The following SDC3 variants were observed in gnomAD, a reference collection of about 807,000 sequenced individuals.
The protein encoded by SDC3 is syndecan-3.
SDC3 carries 13 observed loss-of-function variants against 24.4 expected under a neutral mutation model. The observed-to-expected ratio is 0.53, with a 90% CI of 0.35 to 0.85. SDC3 has a LOEUF of 0.85. Ranked by LOEUF, SDC3 falls within the 40% of genes least tolerant of loss-of-function variation. The pLI is 0.01. For missense variants in SDC3, 571 were observed against 584.5 expected (o/e 0.98, Z 0.24); for synonymous variants, 295 against 260.9 (o/e 1.13, Z -1.26).
chr1:30,895,881 G>T (rs1570022840), intron 1 of SDC3, among the ~76,000 whole-genome samples: 1 of 151,668 alleles, frequency 6.6e-6, no homozygotes, highest in Non-Finnish European at 1.5e-5. Flanking sequence ...GGGAGGGAGG[G>T]GGGCTGAGCA....
intron 1 of SDC3, among the ~76,000 whole-genome samples, chr1:30,890,631 A>T (rs1639890853): frequency 6.6e-6 from 1 of 152,250 alleles, no homozygotes; most frequent in African/African-American, 2.4e-5. Flanking sequence ...GATGGGCAAG[A>T]TGTATATGAG....
intron 1 of SDC3, among the ~76,000 whole-genome samples, chr1:30,903,570 G>A (rs990461989): frequency 7.2e-5 from 11 of 152,138 alleles, no homozygotes; most frequent in Non-Finnish European, 1.6e-4. Flanking sequence ...GGAGGCGGTA[G>A]ATGAGGAAGA....
In SDC3 at chr1:30,873,026, G is replaced by T; in HGVS notation, c.*185C>A. On this transcript the variant is annotated 3_prime_UTR_variant, in exon 5 of 5. Transcript: ENST00000339394. ...GTAAGGGCACAGTCTGGGGCAGATG[G>T]CAGCAGCCCCTCTTCCTCGGGGAAG... 1 of 613,450 alleles carries T rather than the reference G, an allele frequency of 1.6e-6. No individual in the cohort carries two copies. The highest frequency in any genetic ancestry group is 2.9e-6 in the Non-Finnish European group (1 of 343,452). 38.0% of individuals were successfully genotyped at this position (613,450 alleles called of 1,614,324 possible). A position where few individuals can be genotyped will look rare whatever the true frequency, so the allele number is the denominator to read the frequency against.
In SDC3 at chr1:30,876,878, T is replaced by C. The variant is rs775433139; in HGVS notation, c.544A>G (p.Thr182Ala). 6.2e-7 allele frequency: 1 copy of C among 1,613,360 alleles called. No homozygotes were observed. Among genetic ancestry groups the C allele is most frequent in the South Asian group, 1.1e-5 (1 of 91,076 alleles). The change falls in exon 3 of 5, where the codon ACA (threonine) becomes GCA (alanine). Residue 182 changes from threonine to alanine, a missense_variant. Coordinates refer to ENST00000339394, the MANE Select transcript of SDC3 (RefSeq NM_014654.4). ...GDPTVATVPA[T>A]VATATPSTPA... ...GTGCTGGGGGTGGCGGTGGCCACTG[T>C]GGCAGGCACTGTGGCCACAGTCGGG... is the stretch of plus-strand genomic sequence containing the variant.
intron 2 of SDC3, chr1:30,877,913 C>G (rs1010781835): frequency 6.6e-6 from 1 of 152,538 alleles, no homozygotes; most frequent in Non-Finnish European, 1.5e-5. Context: ...CTGTGGGGAG[C>G]CAGCTCTGTG....
chr1:30,891,850 CA>C lies in SDC3; in HGVS notation c.139-13111del, dbSNP rs11433428. On this transcript the variant is annotated intron_variant, in intron 1 of 4. Transcript: ENST00000339394. ...CCTGGGCGACACAGTGAGACGCCGT[CA>C]AAAAAAAAAAAAAAAGAGGAAGAAG... is the stretch of plus-strand genomic sequence containing the variant. Among the ~76,000 whole-genome samples the C allele has an allele frequency of 8.3e-3, 981 of 118,750 alleles. 4 individuals are homozygous for C. The highest frequency in any genetic ancestry group is 0.02 in the African/African-American group (609 of 30,074). 77.9% of individuals were successfully genotyped at this position (118,750 alleles called of 152,430 possible). A position where few individuals can be genotyped will look rare whatever the true frequency, so the allele number is the denominator to read the frequency against.
intron 1 of SDC3, chr1:30,880,788 C>G (rs1639732028): frequency 6.6e-6 from 1 of 152,024 alleles, no homozygotes; most frequent in South Asian, 2.1e-4. Context: ...TTAGAAGTCA[C>G]AGAATGCCTG....
At chr1:30,899,803 T>G (rs1638375349) in intron 1 of SDC3, among the ~76,000 whole-genome samples, 1 of 152,114 alleles carries the variant, frequency 6.6e-6, no homozygotes, top group African/African-American at 2.4e-5. Flanking sequence ...CCAGTAAACC[T>G]GCCTGAAGCA....
chr1:30,886,679 G>A (rs1639833710), intron 1 of SDC3, among the ~76,000 whole-genome samples: 1 of 152,166 alleles, frequency 6.6e-6, no homozygotes. Flanking sequence ...GAGAATGCCT[G>A]CAGGGAATGC....
intron 1 of SDC3, among the ~76,000 whole-genome samples, chr1:30,891,972 C>A (rs573014106): frequency 1.3e-5 from 2 of 152,132 alleles, no homozygotes; most frequent in East Asian, 3.9e-4. Flanking sequence ...GGACCCCCTG[C>A]CCCTCAGCAA....
intron 1 of SDC3, among the ~76,000 whole-genome samples, chr1:30,897,673 A>T (rs1381659871): frequency 6.6e-6 from 1 of 152,184 alleles, no homozygotes; most frequent in East Asian, 1.9e-4. Flanking sequence ...AGCATGAAGC[A>T]GTGCTTATGT....
At chr1:30,894,280 T>G (rs866270660) in intron 1 of SDC3, among the ~76,000 whole-genome samples, 48 of 129,286 alleles carry the variant, frequency 3.7e-4, no homozygotes, top group East Asian at 7.3e-4. Flanking sequence ...TGAGTGTGTG[T>G]GGGGGAGTGA....
chr1:30,883,075 C>G (rs2124320953), intron 1 of SDC3, among the ~76,000 whole-genome samples: 1 of 152,322 alleles, frequency 6.6e-6, no homozygotes, highest in South Asian at 2.1e-4. Context: ...TCAACCTCCT[C>G]ATGAGGGAAG....
intron 1 of SDC3, among the ~76,000 whole-genome samples, chr1:30,901,070 T>C (rs1367009484): frequency 1.3e-5 from 2 of 152,106 alleles, no homozygotes; most frequent in Non-Finnish European, 2.9e-5. Context: ...AAGGGGCAAA[T>C]GAACACCAGG....
chr1:30,895,850 G>A (rs1639991465), intron 1 of SDC3, among the ~76,000 whole-genome samples: 1 of 150,432 alleles, frequency 6.6e-6, no homozygotes, highest in Non-Finnish European at 1.5e-5. Context: ...GCGAGTAAGA[G>A]GAGGAGGGTG....
chr1:30,895,271 A>C (rs140781621), intron 1 of SDC3, among the ~76,000 whole-genome samples: 2 of 152,266 alleles, frequency 1.3e-5, no homozygotes, highest in Non-Finnish European at 2.9e-5. Flanking sequence ...CTAACGTCCT[A>C]AACAGAAACA....
intron 2 of SDC3, chr1:30,878,193 A>T (rs1029606030): frequency 6.3e-6 from 1 of 159,162 alleles, no homozygotes. Context: ...CTCTCCCGAG[A>T]TTCTGCTAGA....
chr1:30,901,676 T>C (rs554996391), intron 1 of SDC3, among the ~76,000 whole-genome samples: 3 of 152,062 alleles, frequency 2.0e-5, no homozygotes, highest in Admixed American at 6.6e-5. Context: ...GAGTTCTCCT[T>C]CAGGCCATCC....
intron 1 of SDC3, among the ~76,000 whole-genome samples, chr1:30,900,900 G>A (rs1638403071): frequency 6.6e-6 from 1 of 152,038 alleles, no homozygotes; most frequent in Non-Finnish European, 1.5e-5. Context: ...CTAACCCCAG[G>A]GTGAAGCAGC....
Sources: gnomAD v4.1 joint callset for allele counts (sites outside exome capture counted in the v4.1 genomes callset) on GRCh38, gnomAD v4.1.1 for gene constraint, MANE v1.5 for transcripts, NCBI Gene and HGNC (gene_info 2026-07-23, HGNC 2026-07-21) for gene names.